The following LRP2 variants were observed in gnomAD, a reference collection of about 807,000 sequenced individuals.
LRP2 encodes the protein LDL receptor related protein 2.
A neutral mutation model predicts 531.0 loss-of-function variants in LRP2; 172 were observed. The observed-to-expected ratio is 0.32, with a 90% CI of 0.29 to 0.37. LRP2 has a LOEUF of 0.37. Among genes scored for constraint, LRP2 ranks in the 10% least tolerant of loss-of-function variants. The pLI is 1.00. For missense variants in LRP2, 5,167 were observed against 5,868.3 expected, an observed-to-expected ratio of 0.88 and a Z score of 3.90; for synonymous variants, 1,992 against 2,027.6, an observed-to-expected ratio of 0.98 and a Z score of 0.47.
At chr2:169,169,944 C>T (rs1441441683) in intron 59 of LRP2, 126 bp from the exon 60 acceptor site, 1 of 728,204 alleles carries the variant, frequency 1.4e-6, no homozygotes, top group Non-Finnish European at 2.5e-6. Flanking sequence ...ACAGCAAACC[C>T]ACAACTTGTG....
intron 34 of LRP2, among the ~76,000 whole-genome samples, chr2:169,218,987 T>G (rs1688892569): frequency 6.6e-6 from 1 of 152,182 alleles, no homozygotes; most frequent in South Asian, 2.1e-4. Context: ...TAGGAGTTTA[T>G]TTGCTTCAAC....
intron 1 of LRP2, among the ~76,000 whole-genome samples, chr2:169,341,983 C>T (rs1359662638): frequency 6.6e-6 from 1 of 152,038 alleles, no homozygotes; most frequent in Non-Finnish European, 1.5e-5. Context: ...TGGAACTATC[C>T]TGTGTATTGC....
Position 169,296,277 on chromosome 2 carries a change from AG to A in LRP2, c.428-1568del, listed in dbSNP as rs149423342. On this transcript the variant is annotated intron_variant, in intron 4 of 78. Coordinates refer to ENST00000649046, the MANE Select transcript of LRP2 (RefSeq NM_004525.3). ...ATAGTCAATCATATGTTAAAATGGA[AG>A]GCATTTTTAAATAGCTGGTTAAAAT... Among the ~76,000 whole-genome samples the A allele has an allele frequency of 4.9e-3, 740 of 152,296 alleles. 2 individuals carry two copies. The highest frequency in any genetic ancestry group is 8.1e-3 in the Non-Finnish European group (553 of 68,024).
intron 3 of LRP2, among the ~76,000 whole-genome samples, chr2:169,311,508 T>C (rs1162680734): frequency 6.6e-6 from 1 of 152,174 alleles, no homozygotes; most frequent in East Asian, 1.9e-4. Flanking sequence ...AGTTGAGCGG[T>C]TTTGAGTGAG....
At position 169,176,456 on chromosome 2, in the gene LRP2, A is replaced by G. The variant is rs1273046782; in HGVS notation, c.10526T>C (p.Met3509Thr). Reference protein sequence around the residue: ...TLQLSGSTYCMPMCSSTQFLC... With the variant: ...TLQLSGSTYCTPMCSSTQFLC... ...GAACTGGGTGCTGGAGCACATGGGC[A>G]TGCAGTAGGTGCTGCCACTCAGCTG... The change falls in exon 54 of 79, where the codon ATG becomes ACG. Residue 3509 changes from methionine (M) to threonine (T), a missense_variant. By Grantham distance (81) the Met-to-Thr change is moderately conservative. Around this residue, in one of 6 missense-constraint regions of LRP2, gnomAD observed 311 missense variants for 309.4 expected, o/e 1.01. Coordinates refer to ENST00000649046, the MANE Select transcript of LRP2 (RefSeq NM_004525.3). 21 of 1,614,096 alleles carry G rather than the reference A, an allele frequency of 1.3e-5. No homozygotes were observed. The highest frequency in any genetic ancestry group is 2.7e-5 in the African/African-American group (2 of 74,932).
chr2:169,193,722 G>A, intron 47 of LRP2, 39 bp downstream of exon 47: 1 of 1,613,760 alleles, frequency 6.2e-7, no homozygotes, highest in South Asian at 1.1e-5. Context: ...TGTTTCCCTG[G>A]AATGTGACTC....
Position 169,156,256 on chromosome 2 carries a change from A to C in LRP2, c.12151+18T>G. The C allele has an allele frequency of 6.2e-7, 1 of 1,613,444 alleles. No homozygotes were observed. The highest frequency in any genetic ancestry group is 1.1e-5 in the South Asian group (1 of 91,070). The stretch of plus-strand genomic sequence containing the variant: ...ATTTCCCCAAAAGTCAATTAATCCC[A>C]ACATGAACCCATCATACCCTCAGCT... On this transcript the variant is annotated intron_variant, in intron 65 of 78. Coordinates refer to ENST00000649046, the MANE Select transcript of LRP2 (RefSeq NM_004525.3).
intron 4 of LRP2, among the ~76,000 whole-genome samples, chr2:169,301,250 A>G (rs1468107635): frequency 6.6e-6 from 1 of 152,166 alleles, no homozygotes; most frequent in African/African-American, 2.4e-5. Context: ...ACTATTTTTG[A>G]GCAACTGAAA....
Position 169,129,037 on chromosome 2 carries a change from G to T in LRP2, c.13776C>A (p.Asn4592Lys), listed in dbSNP as rs866443726. ...LFKRKSKQTT[N>K]FENPIYAQME... ...CCTGTGCATAGATTGGATTTTCAAA[G>T]TTGGTAGTTTGTTTAGATTTTCGTT... The change falls in exon 78 of 79, where the codon AAC becomes AAA. Residue 4592 changes from asparagine (N) to lysine (K), a missense_variant. This residue lies in a region of LRP2 where 348 missense variants were observed against 369.3 expected (regional missense o/e 0.94). Coordinates refer to ENST00000649046, the MANE Select transcript of LRP2 (RefSeq NM_004525.3). 1 of 1,612,552 alleles carries T rather than the reference G, an allele frequency of 6.2e-7. No homozygotes were observed. Among genetic ancestry groups the T allele is most frequent in the Middle Eastern group, 1.7e-4 (1 of 6,060 alleles).
chr2:169,212,118 C>A lies in LRP2; in HGVS notation c.6130G>T (p.Ala2044Ser), dbSNP rs142266106. 1.2e-6 allele frequency: 2 copies of A among 1,613,952 alleles called. No individual in the cohort carries two copies. Among genetic ancestry groups the A allele is most frequent in the Non-Finnish European group, 1.7e-6 (2 of 1,179,922 alleles). Reference sequence around the variant, plus strand: ...TTGAGTTTAAATCCAGTGGCACAGGCGCAGGAAAACAATCCTCCTGGTACA... The same window carrying A: ...TTGAGTTTAAATCCAGTGGCACAGGAGCAGGAAAACAATCCTCCTGGTACA... ...LPVPGGLFSC[A>S]CATGFKLNPD... The change falls in exon 37 of 79, where the codon GCC (alanine) becomes TCC (serine). Residue 2044 changes from alanine to serine, a missense_variant. By Grantham distance (99) the Ala-to-Ser change is moderately conservative. Transcript: ENST00000649046.
Position 169,196,891 on chromosome 2 carries a change from A to T in LRP2, c.8698+20T>A, listed in dbSNP as rs764476088. On this transcript the variant is annotated intron_variant, in intron 46 of 78. Coordinates refer to ENST00000649046, the MANE Select transcript of LRP2 (RefSeq NM_004525.3). ...GTCTAGCTGCATCGTGATGTTTTTCATGCTTGCTTACTCTCTTACCACAAG... is the reference window on the plus strand; with the variant it reads ...GTCTAGCTGCATCGTGATGTTTTTCTTGCTTGCTTACTCTCTTACCACAAG... 4 of 1,613,946 alleles carry T rather than the reference A, an allele frequency of 2.5e-6. No homozygotes were observed. The highest frequency in any genetic ancestry group is 3.4e-6 in the Non-Finnish European group (4 of 1,179,956).
chr2:169,181,704 T>A, intron 51 of LRP2, 86 bp from the exon 52 acceptor site: 4 of 1,185,650 alleles, frequency 3.4e-6, no homozygotes, highest in Non-Finnish European at 5.0e-6. Flanking sequence ...TTTAGAGAAA[T>A]GGAGTCTGCA....
At chr2:169,237,642 T>C (rs771878437) in intron 27 of LRP2, among the ~76,000 whole-genome samples, 2 of 152,206 alleles carry the variant, frequency 1.3e-5, no homozygotes, top group Non-Finnish European at 2.9e-5. Context: ...ATATCTCTAT[T>C]AATTAAGGAC....
chr2:169,159,390 A>G (rs1686488936), intron 63 of LRP2, among the ~76,000 whole-genome samples: 1 of 152,144 alleles, frequency 6.6e-6, no homozygotes, highest in Non-Finnish European at 1.5e-5. Context: ...TACATTAAGA[A>G]CACTGGGTTT....
intron 15 of LRP2, among the ~76,000 whole-genome samples, chr2:169,271,490 G>A (rs557646006): frequency 1.6e-4 from 24 of 151,970 alleles, no homozygotes; most frequent in African/African-American, 5.8e-4. Context: ...TTGTGCACAT[G>A]TACCCTAGAA....
rs571084306 is a variant in LRP2 at position 169,277,817 on chromosome 2, A to G, written c.1700T>C (p.Ile567Thr). ...GTCAACCCAGTAAACACGCTTCGAT[A>G]TCATATCCAGAGTTACCCCAGCAGG... is the stretch of plus-strand genomic sequence containing the variant. Reference protein sequence around the residue: ...GWPAGVTLDMISKRVYWVDSR... With the variant: ...GWPAGVTLDMTSKRVYWVDSR... Residue 567 changes from isoleucine to threonine, a missense_variant, in exon 13 of 79, where the codon ATA becomes ACA. This residue lies in a region of LRP2 where 2,811 missense variants were observed against 3,058.0 expected (regional missense o/e 0.92). Transcript: ENST00000649046. 5.3e-5 allele frequency: 86 copies of G among 1,614,174 alleles called. No homozygotes were observed. In the South Asian group the frequency reaches 8.6e-4, roughly 16 times the overall value.
intron 1 of LRP2, 111 bp from the exon 2 acceptor site, chr2:169,320,995 A>G: frequency 1.3e-6 from 1 of 751,910 alleles, no homozygotes; most frequent in Non-Finnish European, 2.3e-6. Flanking sequence ...ATAATCAAAG[A>G]AATGCAAATT....
At chr2:169,192,921 G>A (rs934683741) in intron 47 of LRP2, among the ~76,000 whole-genome samples, 5 of 152,152 alleles carry the variant, frequency 3.3e-5, no homozygotes, top group African/African-American at 1.2e-4. Context: ...GCAGCAGGGA[G>A]CCATTGAGTC....
At chr2:169,208,497 C>T (rs189879548) in intron 38 of LRP2, among the ~76,000 whole-genome samples, 178 of 152,078 alleles carry the variant, frequency 1.2e-3, no homozygotes, top group East Asian at 0.011. Context: ...CAGTCTGTCA[C>T]CCAGGCTTGA....
Sources: allele counts gnomAD v4.1 joint callset (sites outside exome capture counted in the v4.1 genomes callset), GRCh38; gene constraint gnomAD v4.1.1; regional missense constraint gnomAD v4.1.1; transcripts MANE v1.5; gene names NCBI Gene and HGNC (gene_info 2026-07-23, HGNC 2026-07-21).